TWSG1: variants seen among roughly 807,000 people sequenced by gnomAD.
TWSG1 encodes twisted gastrulation BMP signaling modulator 1.
TWSG1 carries 15 observed loss-of-function variants against 23.0 expected under a neutral mutation model. That is an observed-to-expected ratio of 0.65 (90% CI 0.44 to 1.00). The LOEUF is 1.00. Ranked by LOEUF, TWSG1 falls within the 50% of genes least tolerant of loss-of-function variation. The probability of loss-of-function intolerance (pLI) is 0.00; values close to 1 mark genes in which losing one functional copy is unlikely to be tolerated. For missense variants in TWSG1, 242 were observed against 278.7 expected (o/e 0.87, Z 0.94); for synonymous variants, 86 against 92.8 (o/e 0.93, Z 0.42).
rs1186098876 is a variant in TWSG1 at position 9,402,186 on chromosome 18, A to G, written c.*2659A>G. On this transcript the variant is annotated 3_prime_UTR_variant, in exon 5 of 5. Coordinates refer to ENST00000262120, the MANE Select transcript of TWSG1 (RefSeq NM_020648.6). ...TTAGAAATTTGGACCATTATTTATAATCAGGGTAGCATTAAAATGGAGAAA... is the reference window on the plus strand; with the variant it reads ...TTAGAAATTTGGACCATTATTTATAGTCAGGGTAGCATTAAAATGGAGAAA... The G allele has an allele frequency of 6.6e-6, 1 of 152,214 alleles. No individual in the cohort carries two copies. The highest frequency in any genetic ancestry group is 2.4e-5 in the African/African-American group (1 of 41,462). 9.4% of individuals were successfully genotyped at this position (152,214 alleles called of 1,614,324 possible). A position where few individuals can be genotyped will look rare whatever the true frequency, so the allele number is the denominator to read the frequency against.
intron 2 of TWSG1, among the ~76,000 whole-genome samples, chr18:9,352,621 G>A (rs768907825): frequency 7.9e-5 from 12 of 152,094 alleles, no homozygotes; most frequent in Admixed American, 3.3e-4. Context: ...CAAGTCATTT[G>A]CTATCTTTAC....
Position 9,395,398 on chromosome 18 carries a change from T to C in TWSG1, c.224-882T>C, listed in dbSNP as rs141805199. Among the ~76,000 whole-genome samples, 211 of 152,342 alleles carry C rather than the reference T, an allele frequency of 1.4e-3. 1 individual carries two copies. The highest frequency in any genetic ancestry group is 5.0e-3 in the African/African-American group (206 of 41,582). On this transcript the variant is annotated intron_variant, in intron 3 of 4. Coordinates refer to ENST00000262120, the MANE Select transcript of TWSG1 (RefSeq NM_020648.6). Reference sequence around the variant, plus strand: ...TCTAACAGTCACTCATCAGACTTAATATCCATTGACCATTCCCATCCGAAT... The same window carrying C: ...TCTAACAGTCACTCATCAGACTTAACATCCATTGACCATTCCCATCCGAAT...
intron 3 of TWSG1, among the ~76,000 whole-genome samples, chr18:9,362,838 A>C (rs1280307497): frequency 6.6e-6 from 1 of 152,176 alleles, no homozygotes. Context: ...TTTACCTTTA[A>C]GGGTTGGATG....
rs59939635 is a variant in TWSG1 at position 9,360,082 on chromosome 18, A to G, written c.223+11A>G. ...GCTGTGACTGTGTTGGTAAGTTGAT[A>G]CCAAGGGAGACTTCTTAATATTTCT... On this transcript the variant is annotated intron_variant, in intron 3 of 4. Coordinates refer to ENST00000262120, the MANE Select transcript of TWSG1 (RefSeq NM_020648.6). 2.5e-5 allele frequency: 40 copies of G among 1,597,176 alleles called. No individual in the cohort carries two copies. The East Asian group carries it at 7.8e-4, about 31-fold the overall frequency.
chr18:9,367,186 C>T (rs1416791946), intron 3 of TWSG1, among the ~76,000 whole-genome samples: 1 of 152,188 alleles, frequency 6.6e-6, no homozygotes, highest in African/African-American at 2.4e-5. Context: ...CCCGCCTTGG[C>T]TTCCCAAAGT....
intron 2 of TWSG1, among the ~76,000 whole-genome samples, chr18:9,342,881 CTCACCTT>C (rs1253421195): frequency 1.3e-5 from 2 of 152,142 alleles, no homozygotes; most frequent in East Asian, 3.8e-4. Flanking sequence ...TGTATTTATT[CTCACCTT>C]TCACCTGACT....
Position 9,401,508 on chromosome 18 carries a change from C to A in TWSG1, c.*1981C>A, listed in dbSNP as rs1438365153. The A allele has an allele frequency of 6.6e-6, 1 of 151,972 alleles. No homozygotes were observed. The highest frequency in any genetic ancestry group is 2.4e-5 in the African/African-American group (1 of 41,348). The allele number at this position is 151,972 out of a possible 1,614,324, so 9.4% of individuals were successfully genotyped here. A position where few individuals can be genotyped will look rare whatever the true frequency, so the allele number is the denominator to read the frequency against. ...TTAAAATGTAATATCTGTTTCCCAC[C>A]CCCTACATTAGGAGGATAATTTCTT... On this transcript the variant is annotated 3_prime_UTR_variant, in exon 5 of 5. Coordinates refer to ENST00000262120, the MANE Select transcript of TWSG1 (RefSeq NM_020648.6).
intron 2 of TWSG1, among the ~76,000 whole-genome samples, chr18:9,345,514 A>G (rs891488889): frequency 3.3e-5 from 5 of 152,174 alleles, no homozygotes; most frequent in Non-Finnish European, 2.9e-5. Context: ...TGTCCCAGCA[A>G]CATTTCTCCC....
At chr18:9,392,204 A>G (rs952917587) in intron 3 of TWSG1, among the ~76,000 whole-genome samples, 6 of 152,240 alleles carry the variant, frequency 3.9e-5, no homozygotes, top group Non-Finnish European at 8.8e-5. Context: ...AGATAGCATC[A>G]TCTTACAATA....
intron 2 of TWSG1, among the ~76,000 whole-genome samples, chr18:9,343,410 A>G (rs1210221656): frequency 6.6e-6 from 1 of 151,674 alleles, no homozygotes; most frequent in Non-Finnish European, 1.5e-5. Context: ...TTTTTTTTAA[A>G]AAACAGTTTT....
chr18:9,342,698 G>A (rs989933064), intron 2 of TWSG1, among the ~76,000 whole-genome samples: 6 of 152,172 alleles, frequency 3.9e-5, no homozygotes, highest in Non-Finnish European at 8.8e-5. Context: ...GATGCAAGCT[G>A]TCTTATGGTG....
chr18:9,346,400 C>G (rs1235356526), intron 2 of TWSG1, among the ~76,000 whole-genome samples: 1 of 152,134 alleles, frequency 6.6e-6, no homozygotes, highest in Non-Finnish European at 1.5e-5. Context: ...ATTGCACTCA[C>G]TGATTAGTAT....
At chr18:9,370,456 A>G (rs2040599818) in intron 3 of TWSG1, among the ~76,000 whole-genome samples, 1 of 152,220 alleles carries the variant, frequency 6.6e-6, no homozygotes, top group Non-Finnish European at 1.5e-5. Flanking sequence ...CACTGAACAC[A>G]TATACCAGAA....
chr18:9,367,789 G>C (rs2040586884), intron 3 of TWSG1, among the ~76,000 whole-genome samples: 1 of 152,070 alleles, frequency 6.6e-6, no homozygotes, highest in Non-Finnish European at 1.5e-5. Context: ...AAAAGGCTGG[G>C]GGCTACTGAT....
intron 3 of TWSG1, among the ~76,000 whole-genome samples, chr18:9,376,832 C>CAAAAAAA (rs59781624): frequency 9.9e-6 from 1 of 100,806 alleles, no homozygotes; most frequent in Non-Finnish European, 2.0e-5. Flanking sequence ...ACCCTGTCTC[C>CAAAAAAA]AAAAAAAAAA....
At chr18:9,341,634 G>T (rs1019046220) in intron 2 of TWSG1, among the ~76,000 whole-genome samples, 13 of 151,796 alleles carry the variant, frequency 8.6e-5, no homozygotes, top group African/African-American at 3.1e-4. Context: ...TCCCACTCCT[G>T]CCCTGCCACA....
At chr18:9,355,199 G>T (rs189101571) in intron 2 of TWSG1, among the ~76,000 whole-genome samples, 1 of 152,052 alleles carries the variant, frequency 6.6e-6, no homozygotes, top group Non-Finnish European at 1.5e-5. Context: ...CTTGTGATCC[G>T]CCTGCCTTGG....
At chr18:9,396,604 A>G in intron 4 of TWSG1, 58 bp downstream of exon 4, 1 of 1,570,518 alleles carries the variant, frequency 6.4e-7, no homozygotes, top group Middle Eastern at 1.7e-4. Context: ...TGTCCATGTA[A>G]TCTATAAAAC....
rs867194223 is a variant in TWSG1 at position 9,344,450 on chromosome 18, G to A, written c.123+7098G>A. On this transcript the variant is annotated intron_variant, in intron 2 of 4. Coordinates refer to ENST00000262120, the MANE Select transcript of TWSG1 (RefSeq NM_020648.6). ...GGTTATGATTTGCATTTCCCTAATA[G>A]CTAATGATGTTGAGCATCTTTTTAT... Among the ~76,000 whole-genome samples, 3 of 149,744 alleles carry A rather than the reference G, an allele frequency of 2.0e-5. No homozygotes were observed. The South Asian group carries it at 6.3e-4, about 32-fold the overall frequency.
Sources: allele counts gnomAD v4.1 joint callset (sites outside exome capture counted in the v4.1 genomes callset), GRCh38; gene constraint gnomAD v4.1.1; transcripts MANE v1.5; gene names NCBI Gene and HGNC (gene_info 2026-07-23, HGNC 2026-07-21).